IQGAP1: variants seen among roughly 807,000 people sequenced by gnomAD.
The protein encoded by IQGAP1 is IQ motif containing GTPase activating protein 1, also known as ras GTPase-activating-like protein IQGAP1.
Under a neutral mutation model 215.6 loss-of-function variants are expected in IQGAP1, and 66 were observed. That is an observed-to-expected ratio of 0.31 (90% CI 0.25 to 0.38). IQGAP1 has a LOEUF of 0.38. Ranked by LOEUF, IQGAP1 falls within the 10% of genes least tolerant of loss-of-function variation. IQGAP1 has a pLI of 1.00. For synonymous variants in IQGAP1, 772 were observed against 728.7 expected (o/e 1.06, Z -0.96); for missense variants, 1,712 against 1,997.1 (o/e 0.86, Z 2.72).
At chr15:90,450,330 C>CTTTTTTTTTTTTTTTTTTTT (rs869037347) in intron 11 of IQGAP1, among the ~76,000 whole-genome samples, 3 of 54,426 alleles carry the variant, frequency 5.5e-5, no homozygotes, top group Non-Finnish European at 6.4e-5. Flanking sequence ...TATACACTAC[C>CTTTTTTTTTTTTTTTTTTTT]TTTTTTTTTT....
At chr15:90,406,660 A>C (rs1459538040) in intron 2 of IQGAP1, among the ~76,000 whole-genome samples, 1 of 152,188 alleles carries the variant, frequency 6.6e-6, no homozygotes, top group African/African-American at 2.4e-5. Flanking sequence ...AAACATTTTT[A>C]TTGGGACTTA....
chr15:90,450,203 C>CT (rs1431503328), intron 11 of IQGAP1, among the ~76,000 whole-genome samples: 1 of 151,986 alleles, frequency 6.6e-6, no homozygotes, highest in Non-Finnish European at 1.5e-5. Context: ...GTGAGATCCA[C>CT]TTTTTTAGCT....
chr15:90,452,353 G>A (rs541318760), intron 11 of IQGAP1, among the ~76,000 whole-genome samples: 2 of 152,320 alleles, frequency 1.3e-5, no homozygotes, highest in African/African-American at 4.8e-5. Flanking sequence ...TTGAGGAATG[G>A]TGGTTAGAAT....
intron 33 of IQGAP1, 34 bp from the exon 34 acceptor site, chr15:90,491,299 A>T: frequency 6.3e-7 from 1 of 1,577,664 alleles, no homozygotes; most frequent in Non-Finnish European, 8.7e-7. Context: ...TTAGTGTGGT[A>T]AACTTGCTAA....
intron 2 of IQGAP1, among the ~76,000 whole-genome samples, chr15:90,416,804 C>T (rs1424203573): frequency 6.6e-6 from 1 of 152,166 alleles, no homozygotes; most frequent in African/African-American, 2.4e-5. Flanking sequence ...GTCTCGATCT[C>T]CTGACCTCAT....
chr15:90,417,189 T>C (rs1469460969), intron 2 of IQGAP1, among the ~76,000 whole-genome samples: 1 of 152,244 alleles, frequency 6.6e-6, no homozygotes, highest in Non-Finnish European at 1.5e-5. Flanking sequence ...TTTCTTTTGC[T>C]GTGCAGAAGC....
chr15:90,483,473 G>T lies in IQGAP1; in HGVS notation c.3668G>T (p.Arg1223Leu). The T allele has an allele frequency of 6.2e-7, 1 of 1,614,132 alleles. No individual in the cohort carries two copies. The highest frequency in any genetic ancestry group is 8.5e-7 in the Non-Finnish European group (1 of 1,180,026). Residue 1223 changes from arginine (R) to leucine (L), a missense_variant, in exon 29 of 38, where the codon CGA (arginine) becomes CTA (leucine). Transcript: ENST00000268182. ...GGCCAGCTTACCACAGACCAACGCC[G>T]AAATCTGGGCTCCATTGCAAAAATG... ...AGGQLTTDQRRNLGSIAKMLQ... is the reference protein window; with the variant it reads ...AGGQLTTDQRLNLGSIAKMLQ...
rs551494551 is a variant in IQGAP1 at position 90,414,543 on chromosome 15, T to C, written c.156-11567T>C. Among the ~76,000 whole-genome samples the C allele has an allele frequency of 9.8e-4, 149 of 152,266 alleles. 1 individual carries two copies. The highest frequency in any genetic ancestry group is 3.4e-3 in the African/African-American group (142 of 41,546). On this transcript the variant is annotated intron_variant, in intron 2 of 37. Transcript: ENST00000268182. ...TCTGCAGCATTGAAAGCTGGTGACC[T>C]CTACCAGTTTGCTGATTTTTTCCTT...
At position 90,436,063 on chromosome 15, in the gene IQGAP1, C is replaced by CTT. The variant is rs61513362; in HGVS notation, c.467+2282_467+2283dup. 2.4e-3 allele frequency among the ~76,000 whole-genome samples: 336 copies of CTT among 137,214 alleles called. 2 individuals carry two copies. The highest frequency in any genetic ancestry group is 7.7e-3 in the Middle Eastern group (2 of 260). 90.0% of individuals were successfully genotyped at this position (137,214 alleles called of 152,430 possible). On this transcript the variant is annotated intron_variant, in intron 5 of 37. Coordinates refer to ENST00000268182, the MANE Select transcript of IQGAP1 (RefSeq NM_003870.4). ...ACCTCTCTGTCTCCTCCCTGCTTGC[C>CTT]TTTTTTTTTTTTTTTCCTCTAAAGT...
At chr15:90,431,868 T>C (rs1249206052) in intron 4 of IQGAP1, among the ~76,000 whole-genome samples, 2 of 152,224 alleles carry the variant, frequency 1.3e-5, no homozygotes, top group Non-Finnish European at 2.9e-5. Context: ...TGCAGTCATT[T>C]TTTGGTTCTT....
rs8031295 is a variant in IQGAP1, at chr15:90,500,277, G to A, written c.*169G>A. On this transcript the variant is annotated 3_prime_UTR_variant, in exon 38 of 38. Transcript: ENST00000268182. ...CTCCTCTCGCTCTGATGGGACATTT[G>A]TTACCCTTTTTTCATAGTGAAATTG... is the stretch of plus-strand genomic sequence containing the variant. The A allele has an allele frequency of 6.7e-3, 3,702 of 556,638 alleles. 94 individuals are homozygous for A. Among genetic ancestry groups the A allele is most frequent in the African/African-American group, 0.057 (3,051 of 53,278 alleles). The allele number at this position is 556,638 out of a possible 1,614,324, so 34.5% of individuals were successfully genotyped here.
At chr15:90,485,495 A>G (rs1254046719) in intron 30 of IQGAP1, among the ~76,000 whole-genome samples, 1 of 152,056 alleles carries the variant, frequency 6.6e-6, no homozygotes. Context: ...GCTGGAGTGC[A>G]ATGGCGCAAT....
chr15:90,422,611 T>TTC (rs1965155319), intron 2 of IQGAP1, among the ~76,000 whole-genome samples: 2 of 56,694 alleles, frequency 3.5e-5, no homozygotes, highest in Non-Finnish European at 5.8e-5. Context: ...GTCTCATTCA[T>TTC]ATATATATAT....
chr15:90,439,467 C>G, intron 6 of IQGAP1, 68 bp downstream of exon 6: 1 of 1,325,926 alleles, frequency 7.5e-7, no homozygotes, highest in Non-Finnish European at 1.1e-6. Context: ...GCCAGCAGTA[C>G]CAATTTTGAA....
intron 33 of IQGAP1, among the ~76,000 whole-genome samples, chr15:90,489,028 T>C (rs930809416): frequency 6.6e-6 from 1 of 152,090 alleles, no homozygotes; most frequent in African/African-American, 2.4e-5. Context: ...AGTTGAGTCA[T>C]ATAGGTGTGT....
intron 2 of IQGAP1, among the ~76,000 whole-genome samples, chr15:90,414,979 C>G (rs1046077269): frequency 6.6e-6 from 1 of 152,114 alleles, no homozygotes; most frequent in Non-Finnish European, 1.5e-5. Context: ...AGAAAAAAAC[C>G]TTCTCTTTTC....
At position 90,477,487 on chromosome 15, in the gene IQGAP1, A is replaced by G. The variant is rs1003637350; in HGVS notation, c.3105-178A>G. ...CTGAACAGAAAGAATTCACATTTTT[A>G]TCTAGTAGCGGACCCAATCATGACC... On this transcript the variant is annotated intron_variant, in intron 25 of 37. Coordinates refer to ENST00000268182, the MANE Select transcript of IQGAP1 (RefSeq NM_003870.4). Among the ~76,000 whole-genome samples the G allele has an allele frequency of 2.0e-5, 3 of 151,654 alleles. 1 individual carries two copies. In the East Asian group the frequency reaches 5.8e-4, roughly 29 times the overall value.
At chr15:90,409,439 T>C (rs1192773486) in intron 2 of IQGAP1, among the ~76,000 whole-genome samples, 2 of 152,152 alleles carry the variant, frequency 1.3e-5, no homozygotes, top group African/African-American at 2.4e-5. Context: ...GGTCTTACCA[T>C]GTTGGCCAGG....
intron 2 of IQGAP1, among the ~76,000 whole-genome samples, chr15:90,402,851 A>G (rs1964822481): frequency 6.6e-6 from 1 of 152,262 alleles, no homozygotes; most frequent in South Asian, 2.1e-4. Flanking sequence ...AAAGTCTCAC[A>G]GATATGCATG....
Sources: gnomAD v4.1 joint callset for allele counts (sites outside exome capture counted in the v4.1 genomes callset) on GRCh38, gnomAD v4.1.1 for gene constraint, MANE v1.5 for transcripts, NCBI Gene and HGNC (gene_info 2026-07-23, HGNC 2026-07-21) for gene names.